Variants in MTNAP1 observed in about 807,000 individuals in gnomAD.
The protein encoded by MTNAP1 is mitochondrial nucleoid associated protein 1.
At chr17:73,233,337 G>A in the MTNAP1 span, 2 of 152,226 alleles carry the variant, frequency 1.3e-5, no homozygotes, top group Non-Finnish European at 2.9e-5. Flanking sequence ...TAAGAAAACA[G>A]ACACCCACGT....
chr17:73,247,270 A>G, the MTNAP1 span: 4 of 1,614,218 alleles, frequency 2.5e-6, no homozygotes, highest in Non-Finnish European at 3.4e-6. Flanking sequence ...GCCCTGGAAG[A>G]GCACAGTACC....
chr17:73,236,335 A>T, the MTNAP1 span: 1 of 1,614,118 alleles, frequency 6.2e-7, no homozygotes, highest in Non-Finnish European at 8.5e-7. Context: ...CCTTAAAATG[A>T]GCTCATTAGG....
At chr17:73,241,928 A>G in the MTNAP1 span, among the ~76,000 whole-genome samples, 1 of 152,176 alleles carries the variant, frequency 6.6e-6, no homozygotes, top group Non-Finnish European at 1.5e-5. Context: ...GACTGTGTCA[A>G]AAACAAAAAG....
chr17:73,248,571 A>G, the MTNAP1 span: 2 of 1,549,004 alleles, frequency 1.3e-6, no homozygotes, highest in Non-Finnish European at 1.7e-6. Flanking sequence ...GTGAGAATCC[A>G]TACACGTAAT....
chr17:73,239,307 T>G, the MTNAP1 span, among the ~76,000 whole-genome samples: 1 of 152,204 alleles, frequency 6.6e-6, no homozygotes, highest in Admixed American at 6.5e-5. Context: ...GAAGGACTTG[T>G]GTATTTTCTG....
At chr17:73,234,640 G>A in the MTNAP1 span, among the ~76,000 whole-genome samples, 126 of 137,190 alleles carry the variant, frequency 9.2e-4, 3 homozygotes, top group South Asian at 0.025. Context: ...TCAGTGAGCC[G>A]ACACTGCACT....
At chr17:73,242,243 GT>G in the MTNAP1 span, 4 of 1,573,472 alleles carry the variant, frequency 2.5e-6, no homozygotes, top group Non-Finnish European at 3.5e-6. Flanking sequence ...TGGAACCATA[GT>G]TTCTTTGTTG....
At chr17:73,242,388 G>C in the MTNAP1 span, 1 of 1,370,040 alleles carries the variant, frequency 7.3e-7, no homozygotes, top group Non-Finnish European at 1.0e-6. Flanking sequence ...TCTGTTGCAG[G>C]TTCTGGGCAT....
At chr17:73,236,033 A>G in the MTNAP1 span, 10 of 1,614,070 alleles carry the variant, frequency 6.2e-6, no homozygotes, top group African/African-American at 9.3e-5. Context: ...TCTTTGTCAA[A>G]TCAAGATAGA....
the MTNAP1 span, among the ~76,000 whole-genome samples, chr17:73,243,671 G>A: frequency 6.6e-6 from 1 of 151,842 alleles, no homozygotes; most frequent in Non-Finnish European, 1.5e-5. Flanking sequence ...TGGGACTACA[G>A]GTGTGTGTCA....
At chr17:73,240,782 C>T in the MTNAP1 span, among the ~76,000 whole-genome samples, 8 of 152,188 alleles carry the variant, frequency 5.3e-5, no homozygotes, top group African/African-American at 1.9e-4. Flanking sequence ...GTCAGGGAGC[C>T]ACGTGATCCT....
the MTNAP1 span, chr17:73,248,573 A>G: frequency 5.8e-6 from 9 of 1,548,462 alleles, no homozygotes; most frequent in Non-Finnish European, 7.0e-6. Flanking sequence ...GAGAATCCAT[A>G]CACGTAATCC....
the MTNAP1 span, among the ~76,000 whole-genome samples, chr17:73,246,791 T>G: frequency 6.6e-6 from 1 of 151,900 alleles, no homozygotes; most frequent in Admixed American, 6.6e-5. Flanking sequence ...AGGGGAAGAG[T>G]TCTACATTCA....
the MTNAP1 span, among the ~76,000 whole-genome samples, chr17:73,234,529 A>G: frequency 6.6e-6 from 1 of 151,912 alleles, no homozygotes; most frequent in Non-Finnish European, 1.5e-5. Context: ...CGTCTCTACT[A>G]AAAATACAAA....
the MTNAP1 span, among the ~76,000 whole-genome samples, chr17:73,233,872 C>CA: frequency 0.46 from 66,924 of 146,888 alleles, 15,736 homozygotes; most frequent in East Asian, 0.61. Context: ...GACTCCATCT[C>CA]AAAAAAAAAA....
chr17:73,235,525 A>G, the MTNAP1 span: 1 of 1,613,990 alleles, frequency 6.2e-7, no homozygotes, highest in South Asian at 1.1e-5. Flanking sequence ...TCCTTACTGT[A>G]AGAAGCCATT....
At chr17:73,235,697 CAG>C in the MTNAP1 span, 1 of 1,614,056 alleles carries the variant, frequency 6.2e-7, no homozygotes, top group Non-Finnish European at 8.5e-7. Flanking sequence ...GAGTTAGAGA[CAG>C]AGAATGAAGA....
chr17:73,233,320 G>A, the MTNAP1 span: 1 of 152,216 alleles, frequency 6.6e-6, no homozygotes, highest in Admixed American at 6.5e-5. Flanking sequence ...TCCTGGAGGA[G>A]CTCGGGTAAG....
chr17:73,236,696 A>G, the MTNAP1 span: 5 of 1,614,084 alleles, frequency 3.1e-6, no homozygotes, highest in South Asian at 1.1e-5. Context: ...GCATTAATGG[A>G]GAGTCCCGAG....
Sources: allele counts gnomAD v4.1 joint callset (sites outside exome capture counted in the v4.1 genomes callset), GRCh38; gene constraint gnomAD v4.1.1; transcripts MANE v1.5; gene names NCBI Gene and HGNC (gene_info 2026-07-23, HGNC 2026-07-21).